The following FAM20A variants were observed in gnomAD, a reference collection of about 807,000 sequenced individuals.
FAM20A encodes FAM20A golgi associated secretory pathway pseudokinase.
FAM20A carries 42 observed loss-of-function variants against 52.0 expected under a neutral mutation model. The ratio of observed to expected loss-of-function variants is 0.81; its 90% CI spans 0.63 to 1.04. FAM20A has a LOEUF of 1.04. FAM20A is among the 50% of genes least tolerant of loss of function. FAM20A has a pLI of 0.00. For synonymous variants in FAM20A, 304 were observed against 298.9 expected (o/e 1.02, Z -0.18); for missense variants, 742 against 712.7 (o/e 1.04, Z -0.47).
chr17:68,568,833 G>A (rs1013490154), intron 1 of FAM20A, among the ~76,000 whole-genome samples: 1 of 151,746 alleles, frequency 6.6e-6, no homozygotes, highest in South Asian at 2.1e-4. Context: ...TAATCATATG[G>A]GCAAAGGCCC....
chr17:68,542,660 C>G, intron 6 of FAM20A, 34 bp downstream of exon 6: 1 of 1,545,978 alleles, frequency 6.5e-7, no homozygotes, highest in South Asian at 1.1e-5. Context: ...ACGATCTACT[C>G]AGACCCGGAA....
intron 4 of FAM20A, among the ~76,000 whole-genome samples, chr17:68,548,654 A>G (rs1312331270): frequency 6.6e-6 from 1 of 151,502 alleles, no homozygotes; most frequent in East Asian, 1.9e-4. Context: ...ACAAGCCTTC[A>G]CTTTGTAAAA....
intron 1 of FAM20A, among the ~76,000 whole-genome samples, chr17:68,579,620 G>A (rs11654879): frequency 0.17 from 26,140 of 152,078 alleles, 2,472 homozygotes; most frequent in East Asian, 0.34. Context: ...TCCTGAAATC[G>A]GAGTGGCTTT....
intron 4 of FAM20A, among the ~76,000 whole-genome samples, chr17:68,546,694 G>A (rs1264976324): frequency 6.6e-6 from 1 of 152,080 alleles, no homozygotes; most frequent in African/African-American, 2.4e-5. Context: ...TCCGGGCATG[G>A]TGGCCGGCGC....
chr17:68,550,680 A>G (rs995653627), intron 4 of FAM20A, among the ~76,000 whole-genome samples: 5 of 152,144 alleles, frequency 3.3e-5, no homozygotes, highest in African/African-American at 1.2e-4. Flanking sequence ...CGTGCCCAGC[A>G]GAGGAACTCT....
At chr17:68,563,368 A>G (rs1416337873) in intron 1 of FAM20A, among the ~76,000 whole-genome samples, 1 of 145,404 alleles carries the variant, frequency 6.9e-6, no homozygotes, top group Non-Finnish European at 1.5e-5. Flanking sequence ...CCGAGGCAAC[A>G]AGAGTGAGAC....
At chr17:68,554,935 A>T (rs1025922560) in intron 2 of FAM20A, 108 bp from the exon 3 acceptor site, 6 of 1,194,726 alleles carry the variant, frequency 5.0e-6, no homozygotes, top group Non-Finnish European at 7.4e-6. Context: ...GGAGACTGTG[A>T]TGTAGCCTGG....
chr17:68,560,512 C>G (rs2087184366), intron 1 of FAM20A, among the ~76,000 whole-genome samples: 1 of 152,104 alleles, frequency 6.6e-6, no homozygotes, highest in Non-Finnish European at 1.5e-5. Flanking sequence ...AAATAAATTT[C>G]TTTTGTTTAT....
intron 4 of FAM20A, among the ~76,000 whole-genome samples, chr17:68,550,876 A>G (rs1486429522): frequency 2.0e-5 from 3 of 152,234 alleles, no homozygotes; most frequent in Non-Finnish European, 4.4e-5. Context: ...TCGCCAAAGC[A>G]GTTGGGACTG....
chr17:68,566,518 T>C (rs971160119), intron 1 of FAM20A, among the ~76,000 whole-genome samples: 7 of 152,164 alleles, frequency 4.6e-5, no homozygotes, highest in African/African-American at 1.7e-4. Flanking sequence ...CTCCAAGTTG[T>C]GTACAAAGAA....
At chr17:68,573,767 C>A (rs1040790149) in intron 1 of FAM20A, among the ~76,000 whole-genome samples, 2 of 151,958 alleles carry the variant, frequency 1.3e-5, no homozygotes, top group Admixed American at 6.6e-5. Flanking sequence ...CAACCTCTGC[C>A]TCCTGGGTTG....
intron 3 of FAM20A, 57 bp from the exon 4 acceptor site, chr17:68,552,008 G>T: frequency 8.7e-7 from 1 of 1,152,898 alleles, no homozygotes; most frequent in South Asian, 1.3e-5. Flanking sequence ...CAAGGCTTGT[G>T]ACTCTGTTCC....
Position 68,537,811 on chromosome 17 carries a change from C to G in FAM20A, c.1362-70G>C, listed in dbSNP as rs2086139473. 7 of 1,512,796 alleles carry G rather than the reference C, an allele frequency of 4.6e-6. No individual in the cohort carries two copies. Among genetic ancestry groups the G allele is most frequent in the Non-Finnish European group, 6.3e-6 (7 of 1,114,284 alleles). 93.7% of individuals were successfully genotyped at this position (1,512,796 alleles called of 1,614,324 possible). A position where few individuals can be genotyped will look rare whatever the true frequency, so the allele number is the denominator to read the frequency against. On this transcript the variant is annotated intron_variant, in intron 10 of 10. Coordinates refer to ENST00000592554, the MANE Select transcript of FAM20A (RefSeq NM_017565.4). The surrounding 1 kb of genome is among the most constrained non-coding windows in gnomAD (Gnocchi z 4.2). The stretch of plus-strand genomic sequence containing the variant: ...AAATAACTTGCCTGAACTTCTTTCC[C>G]CACAAACAGCTGTTGTAGCTGATAC...
intron 1 of FAM20A, chr17:68,590,373 A>C (rs1371413688): frequency 6.6e-6 from 1 of 152,216 alleles, no homozygotes; most frequent in Non-Finnish European, 1.5e-5. Flanking sequence ...CACTTTTCTC[A>C]GGACTTACAC....
At chr17:68,544,114 A>C (rs945085563) in intron 4 of FAM20A, among the ~76,000 whole-genome samples, 1 of 152,164 alleles carries the variant, frequency 6.6e-6, no homozygotes, top group African/African-American at 2.4e-5. Flanking sequence ...ATGTCCAAGG[A>C]TGAAGAAAGG....
At chr17:68,586,376 C>A (rs2088165976) in intron 1 of FAM20A, among the ~76,000 whole-genome samples, 1 of 152,038 alleles carries the variant, frequency 6.6e-6, no homozygotes, top group Non-Finnish European at 1.5e-5. Context: ...ACTGAATGGT[C>A]CCCCAAAAGA....
chr17:68,600,556 A>C lies in FAM20A; in HGVS notation c.111T>G (p.Pro37=). The C allele has an allele frequency of 6.4e-7, 1 of 1,557,304 alleles. No homozygotes were observed. Among genetic ancestry groups the C allele is most frequent in the East Asian group, 2.4e-5 (1 of 41,678 alleles). Reference sequence around the variant, plus strand: ...ACGGGCACCCCCGCGGGCGCTCCCGAGGCCGCAGCTGGCGCTGTACTTGGG... The same window carrying C: ...ACGGGCACCCCCGCGGGCGCTCCCGCGGCCGCAGCTGGCGCTGTACTTGGG... The part of the protein sequence containing the change: ...LWPQVQRQLR[P]RERPRGCPCT... The change falls in exon 1 of 11, where the codon CCT becomes CCG. Residue 37 remains proline (P), a synonymous_variant. Coordinates refer to ENST00000592554, the MANE Select transcript of FAM20A (RefSeq NM_017565.4). The surrounding 1 kb of genome is among the most constrained non-coding windows in gnomAD (Gnocchi z 6.2).
At chr17:68,560,436 C>T (rs573479335) in intron 1 of FAM20A, among the ~76,000 whole-genome samples, 14 of 152,200 alleles carry the variant, frequency 9.2e-5, no homozygotes, top group African/African-American at 3.4e-4. Flanking sequence ...GAAAGCAGGT[C>T]CTCACACTAG....
At chr17:68,581,461 C>CTTTTTTT (rs1423325836) in intron 1 of FAM20A, among the ~76,000 whole-genome samples, 3 of 119,198 alleles carry the variant, frequency 2.5e-5, no homozygotes, top group African/African-American at 1.0e-4. Context: ...TTCTTTCTTT[C>CTTTTTTT]CTTTCTTTCT....
Sources: gnomAD v4.1 joint callset for allele counts (sites outside exome capture counted in the v4.1 genomes callset) on GRCh38, gnomAD v4.1.1 for gene constraint, Gnocchi (gnomAD v3.1) non-coding constraint, MANE v1.5 for transcripts, NCBI Gene and HGNC (gene_info 2026-07-23, HGNC 2026-07-21) for gene names.